The following ZNF362 variants were observed in gnomAD, a reference collection of about 807,000 sequenced individuals.
The protein encoded by ZNF362 is zinc finger protein 362.
In ZNF362, 11 loss-of-function variants were observed where a neutral mutation model predicts 42.9. The ratio of observed to expected loss-of-function variants is 0.26; its 90% CI spans 0.16 to 0.42. The LOEUF (loss-of-function observed/expected upper bound fraction) is 0.42, where lower values mean the gene tolerates loss of function less well. Among genes scored for constraint, ZNF362 ranks in the 20% least tolerant of loss-of-function variants. The pLI is 1.00. For missense variants in ZNF362, 362 were observed against 576.2 expected, an observed-to-expected ratio of 0.63 and a Z score of 3.81; for synonymous variants, 255 against 257.3, an observed-to-expected ratio of 0.99 and a Z score of 0.09.
the ZNF362 span, among the ~76,000 whole-genome samples, chr1:33,217,812 T>G: frequency 6.6e-6 from 1 of 152,008 alleles, no homozygotes; most frequent in Non-Finnish European, 1.5e-5. Flanking sequence ...ACCCACAACT[T>G]TATGTAAACT....
chr1:33,272,317 G>A (rs560151682), intron 2 of ZNF362, among the ~76,000 whole-genome samples: 1 of 152,210 alleles, frequency 6.6e-6, no homozygotes, highest in African/African-American at 2.4e-5. Context: ...CTTAGCTTGG[G>A]GCTCGGGGAG....
rs1279851685 is a variant in ZNF362, at chr1:33,276,215, G to A, written c.102+52G>A. On this transcript the variant is annotated intron_variant, in intron 3 of 8. Transcript: ENST00000539719. Reference sequence around the variant, plus strand: ...GCCCTACCCTCCTTGGCGCTGCTTCGCTTCCCCTGGGTTTTGGCTGTGGCC... The same window carrying A: ...GCCCTACCCTCCTTGGCGCTGCTTCACTTCCCCTGGGTTTTGGCTGTGGCC... 14 of 1,606,096 alleles carry A rather than the reference G, an allele frequency of 8.7e-6. 1 individual carries two copies. In the South Asian group the frequency reaches 1.1e-4, roughly 13 times the overall value.
the ZNF362 span, among the ~76,000 whole-genome samples, chr1:33,189,673 G>GTATATATATATATATGTA: frequency 1.1e-4 from 1 of 9,002 alleles, no homozygotes; most frequent in African/African-American, 1.8e-4. Flanking sequence ...ATATATATAT[G>GTATATATATATATATGTA]TATATATATA....
chr1:33,260,145 G>A (rs1047906167), intron 1 of ZNF362, among the ~76,000 whole-genome samples: 3 of 152,218 alleles, frequency 2.0e-5, no homozygotes, highest in African/African-American at 7.2e-5. Flanking sequence ...TTCAGAATGA[G>A]GCAAATGATC....
intron 1 of ZNF362, among the ~76,000 whole-genome samples, chr1:33,260,488 G>A (rs529620880): frequency 1.6e-4 from 24 of 152,308 alleles, no homozygotes; most frequent in African/African-American, 5.8e-4. Context: ...TCCTCAGAGG[G>A]TCTGCTTGGA....
the ZNF362 span, among the ~76,000 whole-genome samples, chr1:33,172,249 G>A: frequency 6.6e-6 from 1 of 152,204 alleles, no homozygotes; most frequent in Non-Finnish European, 1.5e-5. Flanking sequence ...AACGGGGGGA[G>A]CTTCAAGGAA....
At chr1:33,206,886 A>G in the ZNF362 span, among the ~76,000 whole-genome samples, 2 of 152,184 alleles carry the variant, frequency 1.3e-5, no homozygotes, top group African/African-American at 4.8e-5. Flanking sequence ...AGATACTACT[A>G]TGCACCTGTT....
chr1:33,188,103 G>A, the ZNF362 span, among the ~76,000 whole-genome samples: 3 of 151,918 alleles, frequency 2.0e-5, no homozygotes, highest in South Asian at 2.1e-4. Flanking sequence ...GGGTGGTGGC[G>A]GGTGCCTGTA....
chr1:33,203,052 A>ATAG, the ZNF362 span, among the ~76,000 whole-genome samples: 1 of 152,264 alleles, frequency 6.6e-6, no homozygotes, highest in South Asian at 2.1e-4. Context: ...ATTATTAGTG[A>ATAG]TAGTCCTTAT....
the ZNF362 span, among the ~76,000 whole-genome samples, chr1:33,175,404 C>T: frequency 6.6e-6 from 1 of 152,146 alleles, no homozygotes; most frequent in African/African-American, 2.4e-5. Flanking sequence ...TGCCTCATCC[C>T]TCTGAGTGTT....
At chr1:33,278,637 C>G (rs1489170893) in intron 4 of ZNF362, among the ~76,000 whole-genome samples, 1 of 152,204 alleles carries the variant, frequency 6.6e-6, no homozygotes. Flanking sequence ...TGATGTGTCT[C>G]CTCTCAGATC....
intron 4 of ZNF362, among the ~76,000 whole-genome samples, chr1:33,278,646 T>C (rs1353932792): frequency 6.6e-6 from 1 of 152,252 alleles, no homozygotes; most frequent in Admixed American, 6.5e-5. Context: ...TCCTCTCAGA[T>C]CTATTCCTGT....
chr1:33,202,090 C>T, the ZNF362 span, among the ~76,000 whole-genome samples: 3 of 152,140 alleles, frequency 2.0e-5, no homozygotes, highest in Admixed American at 6.6e-5. Context: ...ACCTGAATAG[C>T]CCTCAAATAT....
the ZNF362 span, among the ~76,000 whole-genome samples, chr1:33,209,201 T>G: frequency 1.2e-4 from 18 of 152,366 alleles, no homozygotes; most frequent in South Asian, 8.3e-4. Context: ...TCGTTGGTTC[T>G]GTTTATGTGA....
chr1:33,157,247 C>G, the ZNF362 span, among the ~76,000 whole-genome samples: 2 of 152,282 alleles, frequency 1.3e-5, no homozygotes, highest in East Asian at 1.9e-4. Context: ...CATCTCCCTC[C>G]AGCCACGTTA....
the ZNF362 span, among the ~76,000 whole-genome samples, chr1:33,184,455 C>T: frequency 2.0e-5 from 3 of 152,100 alleles, no homozygotes; most frequent in Non-Finnish European, 4.4e-5. Flanking sequence ...TTCTTGCAGC[C>T]GAGTGAGACT....
At chr1:33,285,868 G>GTCTGGT (rs1646028660) in intron 6 of ZNF362, among the ~76,000 whole-genome samples, 1 of 152,172 alleles carries the variant, frequency 6.6e-6, no homozygotes, top group South Asian at 2.1e-4. Flanking sequence ...TTTGAGACCA[G>GTCTGGT]CCTGGTCAAC....
At chr1:33,165,776 T>C in the ZNF362 span, 1 of 406,886 alleles carries the variant, frequency 2.5e-6, no homozygotes, top group Non-Finnish European at 4.4e-6. The surrounding 1 kb of genome is among the most constrained non-coding windows in gnomAD (Gnocchi z 4.0). Flanking sequence ...CCTGCATCTT[T>C]GCAACAACCT....
the ZNF362 span, among the ~76,000 whole-genome samples, chr1:33,172,554 T>G: frequency 1.3e-5 from 2 of 151,046 alleles, no homozygotes; most frequent in African/African-American, 2.4e-5. Flanking sequence ...GGAGCGGGGG[T>G]GGGCCGGGCA....
Sources: allele counts gnomAD v4.1 joint callset (sites outside exome capture counted in the v4.1 genomes callset), GRCh38; gene constraint gnomAD v4.1.1; non-coding constraint Gnocchi (gnomAD v3.1); transcripts MANE v1.5; gene names NCBI Gene and HGNC (gene_info 2026-07-23, HGNC 2026-07-21).